Variants in NOS1AP observed in about 807,000 individuals in gnomAD.
The protein encoded by NOS1AP is nitric oxide synthase 1 adaptor protein.
Under a neutral mutation model 56.2 loss-of-function variants are expected in NOS1AP, and 21 were observed. The ratio of observed to expected loss-of-function variants is 0.37; its 90% CI spans 0.26 to 0.54. The LOEUF (loss-of-function observed/expected upper bound fraction) is 0.54, where lower values mean the gene tolerates loss of function less well. Among genes scored for constraint, NOS1AP ranks in the 20% least tolerant of loss-of-function variants. The probability of loss-of-function intolerance (pLI) is 0.84; values close to 1 mark genes in which losing one functional copy is unlikely to be tolerated. For missense variants in NOS1AP, 522 were observed against 657.8 expected, an observed-to-expected ratio of 0.79 and a Z score of 2.26; for synonymous variants, 270 against 274.6, an observed-to-expected ratio of 0.98 and a Z score of 0.17.
At chr1:162,247,433 T>A (rs182869357) in intron 2 of NOS1AP, among the ~76,000 whole-genome samples, 1 of 152,158 alleles carries the variant, frequency 6.6e-6, no homozygotes, top group Non-Finnish European at 1.5e-5. Context: ...ATTCCCAGAG[T>A]TCCCAGGGTT....
intron 1 of NOS1AP, among the ~76,000 whole-genome samples, chr1:162,111,088 GAT>G (rs1486011557): frequency 6.6e-6 from 1 of 152,200 alleles, no homozygotes; most frequent in Non-Finnish European, 1.5e-5. Context: ...CAGTAAACAA[GAT>G]ATTTTTAGGC....
intron 4 of NOS1AP, among the ~76,000 whole-genome samples, chr1:162,313,506 T>C (rs1281362763): frequency 6.6e-6 from 1 of 152,204 alleles, no homozygotes; most frequent in African/African-American, 2.4e-5. Flanking sequence ...ACTTGCAGTC[T>C]TCCCATGATG....
At chr1:162,123,775 TCATC>T (rs1472241350) in intron 1 of NOS1AP, among the ~76,000 whole-genome samples, 1 of 152,210 alleles carries the variant, frequency 6.6e-6, no homozygotes, top group Non-Finnish European at 1.5e-5. Flanking sequence ...ATTGATCCCT[TCATC>T]TATCTATATA....
chr1:162,350,800 C>T (rs536653910), intron 6 of NOS1AP, among the ~76,000 whole-genome samples: 1 of 101,872 alleles, frequency 9.8e-6, no homozygotes, highest in East Asian at 3.3e-4. Context: ...ATCCTTTGAC[C>T]TACATCTCTC....
chr1:162,120,321 A>G (rs1018177009), intron 1 of NOS1AP, among the ~76,000 whole-genome samples: 3 of 152,310 alleles, frequency 2.0e-5, no homozygotes, highest in African/African-American at 4.8e-5. Context: ...CAATTGAGGA[A>G]TTTTTATGTA....
At chr1:162,197,907 A>G (rs540831159) in intron 2 of NOS1AP, among the ~76,000 whole-genome samples, 3 of 152,356 alleles carry the variant, frequency 2.0e-5, no homozygotes, top group South Asian at 4.1e-4. Flanking sequence ...CCTGCTGTTC[A>G]GGGCTCTGTG....
chr1:162,289,141 A>G (rs1655180010), intron 3 of NOS1AP, among the ~76,000 whole-genome samples: 1 of 151,884 alleles, frequency 6.6e-6, no homozygotes, highest in Admixed American at 6.6e-5. Context: ...GAATCTTCCC[A>G]CCACCCCACT....
At chr1:162,290,491 A>G (rs1655254457) in intron 3 of NOS1AP, among the ~76,000 whole-genome samples, 1 of 152,226 alleles carries the variant, frequency 6.6e-6, no homozygotes, top group South Asian at 2.1e-4. Flanking sequence ...GTGAGAGTAG[A>G]CATGCTATTG....
chr1:162,200,125 C>T (rs1651944706), intron 2 of NOS1AP, among the ~76,000 whole-genome samples: 1 of 152,174 alleles, frequency 6.6e-6, no homozygotes, highest in Non-Finnish European at 1.5e-5. Context: ...CATCCCTTTC[C>T]TGGGACTGCT....
intron 6 of NOS1AP, among the ~76,000 whole-genome samples, chr1:162,349,896 G>A (rs1486474879): frequency 6.6e-6 from 1 of 152,204 alleles, no homozygotes; most frequent in African/African-American, 2.4e-5. Context: ...ATTTGGTTCT[G>A]GGATTGGAAA....
intron 2 of NOS1AP, among the ~76,000 whole-genome samples, chr1:162,159,440 T>A (rs1383464985): frequency 6.6e-6 from 1 of 152,206 alleles, no homozygotes; most frequent in African/African-American, 2.4e-5. Flanking sequence ...TTATATTCAT[T>A]GGTATCATTT....
At chr1:162,353,460 T>C (rs1352644292) in intron 6 of NOS1AP, among the ~76,000 whole-genome samples, 1 of 152,212 alleles carries the variant, frequency 6.6e-6, no homozygotes, top group African/African-American at 2.4e-5. Flanking sequence ...TTCTTAGTTC[T>C]TGTTATTAGG....
chr1:162,292,051 C>T (rs1655297742), intron 3 of NOS1AP, among the ~76,000 whole-genome samples: 1 of 152,118 alleles, frequency 6.6e-6, no homozygotes, highest in East Asian at 1.9e-4. Context: ...CTTGGGATCC[C>T]CTAAGGCAGC....
Position 162,363,628 on chromosome 1 carries a change from C to T in NOS1AP, c.940-1776C>T, listed in dbSNP as rs191352240. On this transcript the variant is annotated intron_variant, in intron 8 of 9. Transcript: ENST00000361897. ...TCTGTCCTGTGAGCAGCCCCCATCC[C>T]GAAGCTTCCAGGGGTTCCCCAACCA... is the stretch of plus-strand genomic sequence containing the variant. 1,030 of 258,638 alleles carry T rather than the reference C, an allele frequency of 4.0e-3. 3 individuals carry two copies. The highest frequency in any genetic ancestry group is 8.4e-3 in the Admixed American group (130 of 15,430). 16.0% of individuals were successfully genotyped at this position (258,638 alleles called of 1,614,324 possible).
At chr1:162,315,948 A>G (rs924080610) in intron 4 of NOS1AP, among the ~76,000 whole-genome samples, 2 of 152,190 alleles carry the variant, frequency 1.3e-5, no homozygotes, top group African/African-American at 4.8e-5. Context: ...TAGGAACTGT[A>G]TCTTATCTAT....
chr1:162,073,245 C>T (rs185113388), intron 1 of NOS1AP, among the ~76,000 whole-genome samples: 14 of 152,272 alleles, frequency 9.2e-5, no homozygotes, highest in Admixed American at 9.2e-4. Flanking sequence ...GAGGTTGTTG[C>T]GTGCCTTAGT....
chr1:162,233,767 G>A (rs1653200798), intron 2 of NOS1AP, among the ~76,000 whole-genome samples: 2 of 152,190 alleles, frequency 1.3e-5, no homozygotes, highest in African/African-American at 4.8e-5. Context: ...TTGCTTTGTG[G>A]CCAGGACTTG....
intron 3 of NOS1AP, among the ~76,000 whole-genome samples, chr1:162,291,225 G>A (rs1190781790): frequency 6.6e-6 from 1 of 152,176 alleles, no homozygotes; most frequent in Non-Finnish European, 1.5e-5. Context: ...TGTGTTTACA[G>A]TAAGTCTCTG....
chr1:162,251,869 G>GTTTT (rs57313228), intron 2 of NOS1AP, among the ~76,000 whole-genome samples: 2,839 of 82,228 alleles, frequency 0.035, 5 homozygotes, highest in Non-Finnish European at 0.048. Context: ...TTTTTTTTTT[G>GTTTT]TTTTTTTTTT....
Sources: allele counts gnomAD v4.1 joint callset (sites outside exome capture counted in the v4.1 genomes callset), GRCh38; gene constraint gnomAD v4.1.1; transcripts MANE v1.5; gene names NCBI Gene and HGNC (gene_info 2026-07-23, HGNC 2026-07-21).